The following FBN1 variants were observed in gnomAD, a reference collection of about 807,000 sequenced individuals.
The protein encoded by FBN1 is fibrillin 1.
A neutral mutation model predicts 365.1 loss-of-function variants in FBN1; 29 were observed. The observed-to-expected ratio is 0.08, with a 90% confidence interval of 0.06 to 0.11. The LOEUF is 0.11. Among genes scored for constraint, FBN1 ranks in the 10% least tolerant of loss-of-function variants. The probability of loss-of-function intolerance (pLI) is 1.00; values close to 1 mark genes in which losing one functional copy is unlikely to be tolerated. For missense variants in FBN1, 2,476 were observed against 3,703.2 expected (o/e 0.67, Z 8.60); for synonymous variants, 1,210 against 1,270.5 (o/e 0.95, Z 1.01).
chr15:48,525,698 G>C (rs1192413200), intron 9 of FBN1, among the ~76,000 whole-genome samples: 1 of 152,190 alleles, frequency 6.6e-6, no homozygotes, highest in Non-Finnish European at 1.5e-5. Flanking sequence ...ACTATTTTAG[G>C]AAGATAAATC....
chr15:48,591,246 T>C (rs2044474463), intron 6 of FBN1, among the ~76,000 whole-genome samples: 1 of 152,150 alleles, frequency 6.6e-6, no homozygotes, highest in Non-Finnish European at 1.5e-5. Context: ...GTCACTAGAA[T>C]TAACAGTAAA....
rs562919306 is a variant in FBN1, at chr15:48,449,659, G to A, written c.5546-766C>T. On this transcript the variant is annotated intron_variant, in intron 45 of 65. Coordinates refer to ENST00000316623, the MANE Select transcript of FBN1 (RefSeq NM_000138.5). The stretch of plus-strand genomic sequence containing the variant: ...ATGACATAATTATATGCCAACTTAC[G>A]TCTCTAATTTTTTAAAGCTCTATGT... Among the ~76,000 whole-genome samples, 9 of 152,226 alleles carry A rather than the reference G, an allele frequency of 5.9e-5. No homozygotes were observed. The South Asian group carries it at 6.2e-4, about 11-fold the overall frequency.
chr15:48,464,078 C>G (rs375306223), intron 40 of FBN1, 57 bp from the exon 41 acceptor site: 1 of 1,559,086 alleles, frequency 6.4e-7, no homozygotes, highest in Middle Eastern at 1.7e-4. Context: ...TTTGGAATGG[C>G]CTGATACTTA....
chr15:48,435,750 A>ATG (rs3074871), intron 53 of FBN1, among the ~76,000 whole-genome samples: 9 of 85,094 alleles, frequency 1.1e-4, no homozygotes, highest in African/African-American at 3.3e-4. Flanking sequence ...GTGTATATAT[A>ATG]TGTGTGTATA....
chr15:48,470,534 T>C (rs2043363447), intron 36 of FBN1, 100 bp downstream of exon 36: 36 of 1,532,574 alleles, frequency 2.3e-5, no homozygotes, highest in Non-Finnish European at 3.2e-5. Flanking sequence ...CTTGCTTTTC[T>C]TGTCTTCTGT....
chr15:48,592,367 G>A (rs1417285495), intron 6 of FBN1, among the ~76,000 whole-genome samples: 1 of 152,048 alleles, frequency 6.6e-6, no homozygotes, highest in East Asian at 1.9e-4. Context: ...TTAATACAAA[G>A]GCATTTAACA....
At chr15:48,483,276 G>A (rs940531657) in intron 31 of FBN1, among the ~76,000 whole-genome samples, 3 of 152,094 alleles carry the variant, frequency 2.0e-5, no homozygotes, top group African/African-American at 7.2e-5. Context: ...CTTATGCAGA[G>A]ACACAGAATA....
At position 48,489,833 on chromosome 15, in the gene FBN1, G is replaced by GA; in HGVS notation, c.3082+17dup. The GA allele has an allele frequency of 6.2e-7, 1 of 1,607,400 alleles. No homozygotes were observed. Among genetic ancestry groups the GA allele is most frequent in the East Asian group, 2.2e-5 (1 of 44,848 alleles). Reference sequence around the variant, plus strand: ...CTAAAAAGGGAGGCAATTGGCCATGGAAAACGTAACATTGTACCTTTGAAG... The same window carrying GA: ...CTAAAAAGGGAGGCAATTGGCCATGGAAAAACGTAACATTGTACCTTTGAAG... On this transcript the variant is annotated intron_variant, in intron 25 of 65. Transcript: ENST00000316623.
chr15:48,610,577 G>C, intron 4 of FBN1, 151 bp downstream of exon 4: 1 of 662,648 alleles, frequency 1.5e-6, no homozygotes, highest in Admixed American at 2.4e-5. Context: ...ATGAAGGAAA[G>C]CCTTTCCAAG....
intron 2 of FBN1, among the ~76,000 whole-genome samples, chr15:48,618,230 A>C (rs1889695108): frequency 6.6e-6 from 1 of 152,196 alleles, no homozygotes; most frequent in South Asian, 2.1e-4. Flanking sequence ...AGGTTAAAAT[A>C]ACTTCCACTA....
intron 6 of FBN1, among the ~76,000 whole-genome samples, chr15:48,571,877 C>CA (rs1211192052): frequency 6.6e-6 from 1 of 152,050 alleles, no homozygotes; most frequent in Non-Finnish European, 1.5e-5. Context: ...AATGAAAACA[C>CA]AGGGTTATAT....
chr15:48,536,825 T>C (rs370361791), intron 7 of FBN1, among the ~76,000 whole-genome samples: 4 of 152,354 alleles, frequency 2.6e-5, no homozygotes, highest in East Asian at 1.9e-4. Flanking sequence ...CAAAGTATTA[T>C]CTATTTGCCT....
chr15:48,633,656 C>T (rs912875410), intron 2 of FBN1, among the ~76,000 whole-genome samples: 3 of 152,174 alleles, frequency 2.0e-5, no homozygotes, highest in Non-Finnish European at 4.4e-5. Flanking sequence ...CAGTATCACC[C>T]CTTCAGGGCT....
chr15:48,425,724 G>T lies in FBN1; in HGVS notation c.7330+15C>A. On this transcript the variant is annotated intron_variant, in intron 59 of 65. Coordinates refer to ENST00000316623, the MANE Select transcript of FBN1 (RefSeq NM_000138.5). The stretch of plus-strand genomic sequence containing the variant: ...ATTTCCACTTGAGGATAAGCCATCA[G>T]AAATAGACACTTACCTACACAGGAA... 1.2e-6 allele frequency: 2 copies of T among 1,612,520 alleles called. No individual in the cohort carries two copies. The highest frequency in any genetic ancestry group is 1.7e-6 in the Non-Finnish European group (2 of 1,178,944).
chr15:48,548,600 T>G (rs536954412), intron 6 of FBN1, among the ~76,000 whole-genome samples: 15 of 152,336 alleles, frequency 9.8e-5, no homozygotes, highest in Non-Finnish European at 1.8e-4. Flanking sequence ...CAGGGCACTG[T>G]GTTACTCTGT....
chr15:48,506,238 G>GAAA (rs768714575), intron 15 of FBN1, among the ~76,000 whole-genome samples: 3 of 151,904 alleles, frequency 2.0e-5, no homozygotes, highest in Non-Finnish European at 2.9e-5. Flanking sequence ...GAAAAAAAAA[G>GAAA]AAAAAGAAAA....
intron 6 of FBN1, among the ~76,000 whole-genome samples, chr15:48,579,763 C>A (rs1286678805): frequency 6.6e-6 from 1 of 152,100 alleles, no homozygotes; most frequent in Non-Finnish European, 1.5e-5. Flanking sequence ...CTAAGAAGGG[C>A]TCTTAATAAT....
chr15:48,555,409 T>C (rs1248418039), intron 6 of FBN1, among the ~76,000 whole-genome samples: 6 of 152,224 alleles, frequency 3.9e-5, no homozygotes, highest in Admixed American at 1.3e-4. Context: ...ACATGTCTGG[T>C]TGTCTCGCCC....
At chr15:48,638,197 G>A (rs1188889303) in intron 2 of FBN1, among the ~76,000 whole-genome samples, 2 of 151,876 alleles carry the variant, frequency 1.3e-5, no homozygotes, top group Admixed American at 6.6e-5. Flanking sequence ...ACCATGCCCA[G>A]CCCTAATAGA....
Sources: allele counts gnomAD v4.1 joint callset (sites outside exome capture counted in the v4.1 genomes callset), GRCh38; gene constraint gnomAD v4.1.1; transcripts MANE v1.5; gene names NCBI Gene and HGNC (gene_info 2026-07-23, HGNC 2026-07-21).